The following CCSER1 variants were observed in gnomAD, a reference collection of about 807,000 sequenced individuals.
The protein encoded by CCSER1 is coiled-coil serine rich protein 1, also known as serine-rich coiled-coil domain-containing protein 1.
A neutral mutation model predicts 82.0 loss-of-function variants in CCSER1; 41 were observed. The observed-to-expected ratio is 0.50, with a 90% CI of 0.39 to 0.65. The LOEUF (loss-of-function observed/expected upper bound fraction) is 0.65, where lower values mean the gene tolerates loss of function less well. Ranked by LOEUF, CCSER1 falls within the 30% of genes least tolerant of loss-of-function variation. CCSER1 has a pLI of 0.00. For synonymous variants in CCSER1, 414 were observed against 383.9 expected (o/e 1.08, Z -0.92); for missense variants, 1,119 against 1,064.2 (o/e 1.05, Z -0.72).
intron 6 of CCSER1, among the ~76,000 whole-genome samples, chr4:90,669,436 T>A (rs943507339): frequency 6.6e-6 from 1 of 152,092 alleles, no homozygotes; most frequent in Non-Finnish European, 1.5e-5. Flanking sequence ...ATAAGGATGG[T>A]TGGACTGCTT....
chr4:91,221,270 A>G (rs1737719768), intron 10 of CCSER1, among the ~76,000 whole-genome samples: 1 of 152,096 alleles, frequency 6.6e-6, no homozygotes, highest in Non-Finnish European at 1.5e-5. Flanking sequence ...CAGTCAATTT[A>G]TTTGATTATG....
chr4:90,985,859 A>C (rs1581263690), intron 9 of CCSER1, among the ~76,000 whole-genome samples: 1 of 151,750 alleles, frequency 6.6e-6, no homozygotes, highest in South Asian at 2.1e-4. Flanking sequence ...AAATACTGTT[A>C]GGAGCCATAT....
chr4:91,209,515 T>C (rs990777556), intron 10 of CCSER1, among the ~76,000 whole-genome samples: 3 of 151,996 alleles, frequency 2.0e-5, no homozygotes, highest in Non-Finnish European at 4.4e-5. Context: ...GAATCACATT[T>C]ATTGATTTGC....
chr4:90,722,669 C>T (rs1484452104), intron 6 of CCSER1, among the ~76,000 whole-genome samples: 1 of 151,840 alleles, frequency 6.6e-6, no homozygotes, highest in African/African-American at 2.4e-5. Flanking sequence ...TTACTCAATG[C>T]ACTGCCTTAT....
At chr4:90,133,908 T>G (rs1174363243) in intron 1 of CCSER1, among the ~76,000 whole-genome samples, 1 of 152,174 alleles carries the variant, frequency 6.6e-6, no homozygotes, top group African/African-American at 2.4e-5. Context: ...CTGAGCTTCT[T>G]TGCCTTCATT....
chr4:90,436,698 A>G (rs1217356280), intron 4 of CCSER1, among the ~76,000 whole-genome samples: 1 of 152,194 alleles, frequency 6.6e-6, no homozygotes, highest in Non-Finnish European at 1.5e-5. Context: ...ATACACATCT[A>G]TAGAATGATG....
chr4:90,506,143 G>T (rs550197604), intron 5 of CCSER1, among the ~76,000 whole-genome samples: 74 of 152,324 alleles, frequency 4.9e-4, no homozygotes, highest in African/African-American at 1.6e-3. Flanking sequence ...AAGAAGCAGA[G>T]TTTTAAATAT....
At chr4:90,898,684 C>T (rs1724131331) in intron 8 of CCSER1, among the ~76,000 whole-genome samples, 1 of 151,970 alleles carries the variant, frequency 6.6e-6, no homozygotes, top group South Asian at 2.1e-4. Context: ...GTTCTCTCAG[C>T]ACCATTTATT....
chr4:91,258,242 CAA>C (rs1316511070), intron 10 of CCSER1, among the ~76,000 whole-genome samples: 1 of 151,956 alleles, frequency 6.6e-6, no homozygotes, highest in Admixed American at 6.6e-5. Context: ...AGACTACACA[CAA>C]AATTTTAATG....
intron 1 of CCSER1, among the ~76,000 whole-genome samples, chr4:90,296,309 G>A (rs989883714): frequency 3.3e-5 from 5 of 152,076 alleles, no homozygotes; most frequent in Admixed American, 1.3e-4. Context: ...AATGAGAAGT[G>A]TCTGTTCATA....
At chr4:91,533,849 G>T (rs1003319519) in intron 10 of CCSER1, among the ~76,000 whole-genome samples, 1 of 151,854 alleles carries the variant, frequency 6.6e-6, no homozygotes, top group Non-Finnish European at 1.5e-5. Context: ...TTATATCATG[G>T]TTGTTTTTAC....
chr4:90,580,348 G>A (rs1781291792), intron 5 of CCSER1, among the ~76,000 whole-genome samples: 1 of 152,102 alleles, frequency 6.6e-6, no homozygotes, highest in Non-Finnish European at 1.5e-5. Context: ...AAAATGCAAA[G>A]TGTTGGCAAC....
intron 1 of CCSER1, among the ~76,000 whole-genome samples, chr4:90,160,378 A>G (rs1253487367): frequency 6.6e-6 from 1 of 152,182 alleles, no homozygotes; most frequent in East Asian, 1.9e-4. Context: ...AGAGATGAAG[A>G]GAAGATGACT....
chr4:90,283,869 G>C (rs945821898), intron 1 of CCSER1, among the ~76,000 whole-genome samples: 28 of 151,916 alleles, frequency 1.8e-4, no homozygotes, highest in Non-Finnish European at 4.4e-5. Context: ...TGGGTCACAT[G>C]GTAGCTCTTT....
In CCSER1 at chr4:90,460,265, C is replaced by CA. The variant is rs533064602; in HGVS notation, c.1604-7968dup. ...GCGTGAACCCGGGAGGCGGAGCTTG[C>CA]AGTGAGTCGAGATCGCGCCACTGCA... On this transcript the variant is annotated intron_variant, in intron 4 of 10. Transcript: ENST00000509176. 2.1e-4 allele frequency among the ~76,000 whole-genome samples: 28 copies of CA among 130,886 alleles called. No homozygotes were observed. The East Asian group carries it at 3.6e-3, about 17-fold the overall frequency. The allele number at this position is 130,886 out of a possible 152,430, so 85.9% of individuals were successfully genotyped here.
chr4:91,486,429 A>G (rs924463493), intron 10 of CCSER1, among the ~76,000 whole-genome samples: 1 of 152,022 alleles, frequency 6.6e-6, no homozygotes, highest in Non-Finnish European at 1.5e-5. Context: ...TAGCCTTCAA[A>G]AAAGGAACTA....
chr4:90,487,308 C>A (rs1367213669), intron 5 of CCSER1, among the ~76,000 whole-genome samples: 1 of 152,216 alleles, frequency 6.6e-6, no homozygotes, highest in Non-Finnish European at 1.5e-5. Flanking sequence ...AGCAACTTAA[C>A]TTTTGTTTTT....
intron 5 of CCSER1, among the ~76,000 whole-genome samples, chr4:90,615,711 C>G (rs1275274649): frequency 6.6e-6 from 1 of 150,518 alleles, no homozygotes; most frequent in Non-Finnish European, 1.5e-5. Context: ...AGATTCTACT[C>G]TTAGTGAATA....
intron 5 of CCSER1, among the ~76,000 whole-genome samples, chr4:90,620,489 C>A (rs1722104690): frequency 1.3e-5 from 2 of 152,080 alleles, no homozygotes; most frequent in African/African-American, 4.8e-5. Flanking sequence ...TTTGTGGATA[C>A]ATTGATGAAC....
Sources: allele counts gnomAD v4.1 joint callset (sites outside exome capture counted in the v4.1 genomes callset), GRCh38; gene constraint gnomAD v4.1.1; transcripts MANE v1.5; gene names NCBI Gene and HGNC (gene_info 2026-07-23, HGNC 2026-07-21).